NID1: variants seen among roughly 807,000 people sequenced by gnomAD.
NID1 encodes the protein nidogen 1.
In NID1, 76 loss-of-function variants were observed where a neutral mutation model predicts 130.6. The observed-to-expected ratio is 0.58, with a 90% CI of 0.48 to 0.70. NID1 has a LOEUF of 0.70. Among genes scored for constraint, NID1 ranks in the 30% least tolerant of loss-of-function variants. The pLI is 0.00. For missense variants in NID1, 1,517 were observed against 1,664.8 expected, an observed-to-expected ratio of 0.91 and a Z score of 1.54; for synonymous variants, 665 against 675.1, an observed-to-expected ratio of 0.98 and a Z score of 0.23.
At chr1:235,998,568 G>A (rs1191685529) in intron 12 of NID1, among the ~76,000 whole-genome samples, 1 of 152,010 alleles carries the variant, frequency 6.6e-6, no homozygotes, top group Non-Finnish European at 1.5e-5. Flanking sequence ...CCAGCTACTC[G>A]GGAGGCTGAG....
At chr1:236,033,500 C>A (rs1056608989) in intron 5 of NID1, among the ~76,000 whole-genome samples, 3 of 152,162 alleles carry the variant, frequency 2.0e-5, no homozygotes, top group African/African-American at 7.2e-5. Flanking sequence ...GGAGCCTCAG[C>A]CAGCACAAGC....
Position 235,977,690 on chromosome 1 carries a change from A to T in NID1, c.*177T>A, listed in dbSNP as rs1294297208. 9.5e-6 allele frequency: 6 copies of T among 633,214 alleles called. No individual in the cohort carries two copies. Among genetic ancestry groups the T allele is most frequent in the Non-Finnish European group, 1.6e-5 (6 of 367,352 alleles). The allele number at this position is 633,214 out of a possible 1,614,324, so 39.2% of individuals were successfully genotyped here. On this transcript the variant is annotated 3_prime_UTR_variant, in exon 20 of 20. Coordinates refer to ENST00000264187, the MANE Select transcript of NID1 (RefSeq NM_002508.3). ...GTAGGGGTGGAGACTTTTCTATTAG[A>T]GAAGTCCAGGGTGCATGTTTTGGGG...
intron 1 of NID1, among the ~76,000 whole-genome samples, chr1:236,058,436 G>A (rs551446688): frequency 6.6e-6 from 1 of 152,222 alleles, no homozygotes; most frequent in African/African-American, 2.4e-5. Flanking sequence ...AACCCAGGGT[G>A]AAAATGCCAA....
Position 235,979,801 on chromosome 1 carries a change from C to T in NID1, c.3509+21G>A. ...GTGGAGGGGCAGGCCCACGCAGCCCCCATGGCTACAGCTGACGTACATCTT... is the reference window on the plus strand; with the variant it reads ...GTGGAGGGGCAGGCCCACGCAGCCCTCATGGCTACAGCTGACGTACATCTT... On this transcript the variant is annotated intron_variant, in intron 18 of 19. Coordinates refer to ENST00000264187, the MANE Select transcript of NID1 (RefSeq NM_002508.3). This position sits in a 1 kb window ranked among gnomAD's most constrained non-coding sequence, Gnocchi z 4.6. The T allele has an allele frequency of 1.9e-6, 3 of 1,612,354 alleles. No homozygotes were observed. The highest frequency in any genetic ancestry group is 2.5e-6 in the Non-Finnish European group (3 of 1,178,940).
At chr1:235,989,849 C>T (rs1226254972) in intron 14 of NID1, among the ~76,000 whole-genome samples, 2 of 152,204 alleles carry the variant, frequency 1.3e-5, no homozygotes, top group Non-Finnish European at 2.9e-5. Context: ...CAGAAATGTG[C>T]CTGGTGTGTT....
At chr1:236,064,000 GGGCAGGACA>G (rs1183492060) in intron 1 of NID1, among the ~76,000 whole-genome samples, 10 of 152,166 alleles carry the variant, frequency 6.6e-5, no homozygotes, top group Admixed American at 6.5e-4. Flanking sequence ...GCCATTTCAC[GGGCAGGACA>G]GGCTGCAGCC....
Position 236,043,211 on chromosome 1 carries a change from T to C in NID1, c.753-919A>G, listed in dbSNP as rs1339474304. On this transcript the variant is annotated intron_variant, in intron 3 of 19. Transcript: ENST00000264187. ...GCATTTTTCTGTGTTATGTGAGCCA[T>C]TCTAGCAAATTATCAAATCTGAGGA... 2.0e-5 allele frequency among the ~76,000 whole-genome samples: 3 copies of C among 152,206 alleles called. No individual in the cohort carries two copies. The East Asian group carries it at 5.8e-4, about 29-fold the overall frequency.
intron 1 of NID1, among the ~76,000 whole-genome samples, chr1:236,063,089 G>A (rs184492137): frequency 1.3e-5 from 2 of 148,370 alleles, no homozygotes; most frequent in African/African-American, 5.1e-5. Flanking sequence ...GGGAGGTGGA[G>A]GTTACAGTGA....
At position 235,984,331 on chromosome 1, in the gene NID1, T is replaced by G. The variant is rs140611040; in HGVS notation, c.3055+1048A>C. ...CTTCCAGAAAAGGGTTCAGGGTCTA[T>G]GTCCAAAGCCAGACATAGTTAATTC... On this transcript the variant is annotated intron_variant, in intron 15 of 19. Coordinates refer to ENST00000264187, the MANE Select transcript of NID1 (RefSeq NM_002508.3). Among the ~76,000 whole-genome samples, 737 of 152,334 alleles carry G rather than the reference T, an allele frequency of 4.8e-3. 7 individuals are homozygous for G. Among genetic ancestry groups the G allele is most frequent in the African/African-American group, 0.017 (697 of 41,580 alleles).
At chr1:236,025,071 C>T (rs536160650) in intron 8 of NID1, among the ~76,000 whole-genome samples, 7 of 151,610 alleles carry the variant, frequency 4.6e-5, no homozygotes, top group Non-Finnish European at 7.4e-5. Context: ...CTGCCTCAGC[C>T]GCCCCGAGTA....
Position 235,979,517 on chromosome 1 carries a change from A to C in NID1, c.3509+305T>G, listed in dbSNP as rs1157410513. 1.3e-5 allele frequency among the ~76,000 whole-genome samples: 2 copies of C among 152,172 alleles called. No homozygotes were observed. Among genetic ancestry groups the C allele is most frequent in the Admixed American group, 1.3e-4 (2 of 15,286 alleles). On this transcript the variant is annotated intron_variant, in intron 18 of 19. Transcript: ENST00000264187. The surrounding 1 kb of genome is among the most constrained non-coding windows in gnomAD (Gnocchi z 4.6). The stretch of plus-strand genomic sequence containing the variant: ...CCACCGGCCACGTGACCCTGGGCCA[A>C]CTCCTGGGGAAAGAACAGACGTGCT...
intron 4 of NID1, among the ~76,000 whole-genome samples, chr1:236,038,954 CAT>C (rs200446407): frequency 1.8e-4 from 25 of 138,130 alleles, no homozygotes; most frequent in African/African-American, 5.3e-4. Flanking sequence ...AAATATATAA[CAT>C]ATATGTGTAA....
intron 12 of NID1, among the ~76,000 whole-genome samples, chr1:236,000,281 A>G (rs1658041877): frequency 1.3e-5 from 2 of 152,204 alleles, no homozygotes; most frequent in African/African-American, 4.8e-5. Flanking sequence ...AAGTCTGATA[A>G]GAAACATCTA....
chr1:236,041,440 C>T (rs6668444), intron 4 of NID1, among the ~76,000 whole-genome samples: 28,314 of 151,844 alleles, frequency 0.19, 2,901 homozygotes, highest in East Asian at 0.34. Flanking sequence ...CTGAAACTGA[C>T]GGGACCTGGG....
At position 235,976,330 on chromosome 1, in the gene NID1, C is replaced by T. The variant is rs1657249424; in HGVS notation, c.*1537G>A. The stretch of plus-strand genomic sequence containing the variant: ...TCTTTTCCCCAAAGAGAGTATCAGG[C>T]AAATTCTTCCATGTTCTCAAGTATA... On this transcript the variant is annotated 3_prime_UTR_variant, in exon 20 of 20. Transcript: ENST00000264187. 6.6e-6 allele frequency: 1 copy of T among 152,164 alleles called. No homozygotes were observed. Among genetic ancestry groups the T allele is most frequent in the South Asian group, 2.1e-4 (1 of 4,822 alleles). 9.4% of individuals were successfully genotyped at this position (152,164 alleles called of 1,614,324 possible).
intron 12 of NID1, among the ~76,000 whole-genome samples, chr1:236,009,885 C>T (rs1477996463): frequency 6.6e-6 from 1 of 152,114 alleles, no homozygotes; most frequent in Non-Finnish European, 1.5e-5. Context: ...GAACAAGATC[C>T]AATATCTAAA....
chr1:236,018,737 C>CTGTGT (rs1289330177), intron 9 of NID1, among the ~76,000 whole-genome samples: 1 of 152,214 alleles, frequency 6.6e-6, no homozygotes, highest in Non-Finnish European at 1.5e-5. Flanking sequence ...CAGCCCCTAG[C>CTGTGT]CTAAAACAAA....
intron 4 of NID1, among the ~76,000 whole-genome samples, chr1:236,038,671 ATATTACC>A (rs1353765682): frequency 0.041 from 5,835 of 142,768 alleles, 1,367 homozygotes; most frequent in East Asian, 0.18. Context: ...TATATAATAT[ATATTACC>A]TATGTTATAT....
chr1:236,010,087 G>A (rs545207582), intron 12 of NID1, among the ~76,000 whole-genome samples: 9 of 152,266 alleles, frequency 5.9e-5, no homozygotes, highest in African/African-American at 1.9e-4. Context: ...CAAGACTGAG[G>A]AAATAATGAA....
Sources: allele counts gnomAD v4.1 joint callset (sites outside exome capture counted in the v4.1 genomes callset), GRCh38; gene constraint gnomAD v4.1.1; non-coding constraint Gnocchi (gnomAD v3.1); transcripts MANE v1.5; gene names NCBI Gene and HGNC (gene_info 2026-07-23, HGNC 2026-07-21).